Variants in AGBL4 observed in about 807,000 individuals in gnomAD.
AGBL4 encodes cytosolic carboxypeptidase 6.
Under a neutral mutation model 66.4 loss-of-function variants are expected in AGBL4, and 58 were observed. The ratio of observed to expected loss-of-function variants is 0.87; its 90% CI spans 0.71 to 1.09. The LOEUF (loss-of-function observed/expected upper bound fraction) is 1.09, where lower values mean the gene tolerates loss of function less well. Ranked by LOEUF, AGBL4 falls within the 50% of genes least tolerant of loss-of-function variation. The pLI, the probability that AGBL4 is intolerant of heterozygous loss-of-function variation, is 0.00. For synonymous variants in AGBL4, 234 were observed against 222.9 expected, an observed-to-expected ratio of 1.05 and a Z score of -0.44; for missense variants, 579 against 631.0, an observed-to-expected ratio of 0.92 and a Z score of 0.88.
intron 3 of AGBL4, among the ~76,000 whole-genome samples, chr1:49,329,981 G>C (rs1024461722): frequency 6.6e-6 from 1 of 152,158 alleles, no homozygotes. Context: ...TGTCAACAAA[G>C]AGGCAATCAG....
chr1:49,278,912 A>G (rs182675340), intron 3 of AGBL4, among the ~76,000 whole-genome samples: 1 of 152,362 alleles, frequency 6.6e-6, no homozygotes, highest in East Asian at 1.9e-4. Flanking sequence ...TGCTATGTTT[A>G]GCTGAGACAT....
At chr1:48,808,806 G>A (rs761104218) in intron 6 of AGBL4, among the ~76,000 whole-genome samples, 3 of 152,206 alleles carry the variant, frequency 2.0e-5, no homozygotes, top group Non-Finnish European at 4.4e-5. Flanking sequence ...TCTCTCCCTG[G>A]AGCCGTAGAA....
At chr1:49,414,884 T>G (rs1008817938) in intron 3 of AGBL4, among the ~76,000 whole-genome samples, 1 of 152,182 alleles carries the variant, frequency 6.6e-6, no homozygotes, top group Non-Finnish European at 1.5e-5. Context: ...AGCCCTCAGC[T>G]AATGATAGTT....
intron 5 of AGBL4, among the ~76,000 whole-genome samples, chr1:48,944,857 A>G (rs1227238857): frequency 6.6e-6 from 1 of 152,216 alleles, no homozygotes; most frequent in African/African-American, 2.4e-5. Context: ...TATTATAACA[A>G]TTCAGGACAT....
intron 3 of AGBL4, among the ~76,000 whole-genome samples, chr1:49,450,494 G>C (rs2148681328): frequency 6.6e-6 from 1 of 152,200 alleles, no homozygotes; most frequent in Non-Finnish European, 1.5e-5. Context: ...TAGTTGGAGA[G>C]ATTAATCAAA....
At chr1:49,109,190 C>A (rs1168201237) in intron 4 of AGBL4, among the ~76,000 whole-genome samples, 2 of 152,170 alleles carry the variant, frequency 1.3e-5, no homozygotes, top group South Asian at 2.1e-4. Context: ...GTAGCATCAC[C>A]TTTTACTTCC....
At chr1:49,684,957 G>A (rs1646760719) in intron 3 of AGBL4, among the ~76,000 whole-genome samples, 1 of 152,036 alleles carries the variant, frequency 6.6e-6, no homozygotes, top group Non-Finnish European at 1.5e-5. Context: ...TTTGTTACAT[G>A]GGTAAATTGC....
At chr1:49,289,579 T>A (rs1011168791) in intron 3 of AGBL4, among the ~76,000 whole-genome samples, 1 of 152,218 alleles carries the variant, frequency 6.6e-6, no homozygotes, top group Non-Finnish European at 1.5e-5. Context: ...TGTAGTTCAT[T>A]GACAGTTATA....
intron 4 of AGBL4, among the ~76,000 whole-genome samples, chr1:49,173,148 C>A (rs1646769170): frequency 6.6e-6 from 1 of 151,846 alleles, no homozygotes; most frequent in Non-Finnish European, 1.5e-5. Flanking sequence ...CTATACCAAA[C>A]CAAGGATCTA....
rs1179087961 is a variant in AGBL4, at chr1:48,703,175, C to G, written c.635-39934G>C. Among the ~76,000 whole-genome samples the G allele has an allele frequency of 2.6e-5, 4 of 152,216 alleles. No individual in the cohort carries two copies. The South Asian group carries it at 8.3e-4, about 32-fold the overall frequency. ...TCGAGAATGCTTCAGAGACCATCTG[C>G]TTGGTGTTCTTCAAGAGATGCAAGA... On this transcript the variant is annotated intron_variant, in intron 6 of 13. Transcript: ENST00000371839.
At chr1:49,914,307 T>C (rs1651166302) in intron 1 of AGBL4, among the ~76,000 whole-genome samples, 1 of 152,222 alleles carries the variant, frequency 6.6e-6, no homozygotes, top group Non-Finnish European at 1.5e-5. Flanking sequence ...GATATCCTTG[T>C]TCATCACTCC....
chr1:48,612,389 T>A (rs1430639604), intron 9 of AGBL4, among the ~76,000 whole-genome samples: 1 of 152,094 alleles, frequency 6.6e-6, no homozygotes, highest in Non-Finnish European at 1.5e-5. Context: ...GGTTGGAAAG[T>A]TCAGGGGAAG....
intron 2 of AGBL4, among the ~76,000 whole-genome samples, chr1:49,766,583 T>C (rs1051563028): frequency 1.8e-4 from 27 of 152,026 alleles, no homozygotes; most frequent in African/African-American, 6.5e-4. Context: ...ATGTCAATAT[T>C]ACCTTGAATG....
chr1:50,019,302 T>TCACACACACACA (rs1293363873), intron 1 of AGBL4, among the ~76,000 whole-genome samples: 3 of 70,824 alleles, frequency 4.2e-5, no homozygotes, highest in African/African-American at 1.6e-4. Flanking sequence ...TCTCTCTCTC[T>TCACACACACACA]CTCTCACACA....
At chr1:49,918,605 AC>A (rs1362878533) in intron 1 of AGBL4, among the ~76,000 whole-genome samples, 1 of 152,192 alleles carries the variant, frequency 6.6e-6, no homozygotes, top group Non-Finnish European at 1.5e-5. Flanking sequence ...TAGCCTACCA[AC>A]CAAAAAAAGT....
At chr1:49,504,168 T>C (rs1648463486) in intron 3 of AGBL4, among the ~76,000 whole-genome samples, 1 of 152,068 alleles carries the variant, frequency 6.6e-6, no homozygotes, top group Admixed American at 6.5e-5. Context: ...TTATAATCAT[T>C]GGCATCTCTC....
chr1:49,401,157 T>A (rs369515615), intron 3 of AGBL4, among the ~76,000 whole-genome samples: 1 of 151,850 alleles, frequency 6.6e-6, no homozygotes. Context: ...GCTGGGGAGG[T>A]CTGAGGAAAC....
At chr1:49,494,544 G>A (rs961786666) in intron 3 of AGBL4, among the ~76,000 whole-genome samples, 1 of 151,758 alleles carries the variant, frequency 6.6e-6, no homozygotes, top group African/African-American at 2.4e-5. Flanking sequence ...TTGTTCTTGC[G>A]ATAGTTTACT....
intron 3 of AGBL4, among the ~76,000 whole-genome samples, chr1:49,261,248 C>T (rs1029775373): frequency 2.0e-5 from 3 of 151,608 alleles, no homozygotes; most frequent in Non-Finnish European, 4.4e-5. Context: ...AAAACTGGCA[C>T]AAGACAGGGA....
Sources: allele counts gnomAD v4.1 joint callset (sites outside exome capture counted in the v4.1 genomes callset), GRCh38; gene constraint gnomAD v4.1.1; transcripts MANE v1.5; gene names NCBI Gene and HGNC (gene_info 2026-07-23, HGNC 2026-07-21).